The following CDK8 variants were observed in gnomAD, a reference collection of about 807,000 sequenced individuals.
The protein encoded by CDK8 is cyclin dependent kinase 8, also known as cyclin-dependent kinase 8.
In CDK8, 29 loss-of-function variants were observed where a neutral mutation model predicts 71.5. The ratio of observed to expected loss-of-function variants is 0.41; its 90% CI spans 0.30 to 0.55. The LOEUF is 0.55. Among genes scored for constraint, CDK8 ranks in the 20% least tolerant of loss-of-function variants. The probability of loss-of-function intolerance (pLI) is 0.37; values close to 1 mark genes in which losing one functional copy is unlikely to be tolerated. For missense variants in CDK8, 288 were observed against 572.6 expected (o/e 0.50, Z 5.07); for synonymous variants, 161 against 192.1 (o/e 0.84, Z 1.34).
intron 12 of CDK8, among the ~76,000 whole-genome samples, chr13:26,402,536 T>G (rs1876314194): frequency 6.6e-6 from 1 of 152,356 alleles, no homozygotes; most frequent in Admixed American, 6.5e-5. Flanking sequence ...GTTACTGTAC[T>G]TTCAGAATTA....
intron 1 of CDK8, among the ~76,000 whole-genome samples, chr13:26,325,342 C>G (rs890285245): frequency 1.3e-5 from 2 of 152,110 alleles, no homozygotes; most frequent in African/African-American, 4.8e-5. Context: ...CAAAATGTAG[C>G]ATAACTAGCT....
chr13:26,345,453 C>T (rs1325538584), intron 2 of CDK8, among the ~76,000 whole-genome samples: 1 of 152,122 alleles, frequency 6.6e-6, no homozygotes, highest in Non-Finnish European at 1.5e-5. Flanking sequence ...GTGATCTCAG[C>T]TCACTGCAAC....
At chr13:26,336,121 A>G (rs1464950805) in intron 1 of CDK8, among the ~76,000 whole-genome samples, 1 of 44,398 alleles carries the variant, frequency 2.3e-5, no homozygotes, top group African/African-American at 6.9e-5. Context: ...ATACACAAAC[A>G]TACACACACA....
At chr13:26,284,397 A>G (rs1284696079) in intron 1 of CDK8, among the ~76,000 whole-genome samples, 1 of 152,222 alleles carries the variant, frequency 6.6e-6, no homozygotes, top group Non-Finnish European at 1.5e-5. Flanking sequence ...GACCATTAGT[A>G]AGATTAACCA....
intron 1 of CDK8, among the ~76,000 whole-genome samples, chr13:26,271,849 G>A (rs1872340166): frequency 9.1e-6 from 1 of 110,252 alleles, no homozygotes; most frequent in Non-Finnish European, 1.7e-5. Flanking sequence ...TTTTAAGAGA[G>A]AGACATAAAA....
chr13:26,333,141 CT>C (rs148022056), intron 1 of CDK8, among the ~76,000 whole-genome samples: 3,211 of 151,596 alleles, frequency 0.021, 124 homozygotes, highest in African/African-American at 0.074. Context: ...AATTATATAC[CT>C]TCTTTTTTTT....
intron 1 of CDK8, among the ~76,000 whole-genome samples, chr13:26,291,731 TG>T (rs1406420511): frequency 2.0e-5 from 3 of 152,352 alleles, no homozygotes; most frequent in Non-Finnish European, 2.9e-5. Context: ...ATGAATGATT[TG>T]GTTCTGTTAC....
chr13:26,301,705 C>T (rs966217742), intron 1 of CDK8, among the ~76,000 whole-genome samples: 5 of 152,140 alleles, frequency 3.3e-5, no homozygotes, highest in African/African-American at 1.2e-4. Flanking sequence ...TGGGACATTC[C>T]CCATAATGTC....
chr13:26,259,474 A>T (rs1871674254), intron 1 of CDK8, among the ~76,000 whole-genome samples: 1 of 152,168 alleles, frequency 6.6e-6, no homozygotes, highest in African/African-American at 2.4e-5. Context: ...CGTAGGTTAT[A>T]TGCAAATAGG....
At chr13:26,368,950 T>A (rs1874522494) in intron 4 of CDK8, among the ~76,000 whole-genome samples, 1 of 152,206 alleles carries the variant, frequency 6.6e-6, no homozygotes, top group South Asian at 2.1e-4. Context: ...TGTTTTTTTT[T>A]CATTCACTAG....
chr13:26,326,350 A>G (rs537867342), intron 1 of CDK8, among the ~76,000 whole-genome samples: 2 of 152,310 alleles, frequency 1.3e-5, no homozygotes, highest in South Asian at 2.1e-4. Context: ...CTAGGGATGC[A>G]CAAAGCAATA....
chr13:26,304,275 GA>G (rs930149548), intron 1 of CDK8, among the ~76,000 whole-genome samples: 10 of 148,708 alleles, frequency 6.7e-5, no homozygotes, highest in African/African-American at 2.5e-4. Flanking sequence ...AAAAAAAAAA[GA>G]AAAAAAAGAA....
intron 1 of CDK8, among the ~76,000 whole-genome samples, chr13:26,330,175 A>T (rs1451595551): frequency 6.6e-6 from 1 of 152,174 alleles, no homozygotes; most frequent in Non-Finnish European, 1.5e-5. Context: ...AACTGTAGTC[A>T]TCCCACTCTG....
chr13:26,336,142 C>CAA (rs1555230791), intron 1 of CDK8, among the ~76,000 whole-genome samples: 1 of 150,968 alleles, frequency 6.6e-6, no homozygotes, highest in Non-Finnish European at 1.5e-5. Flanking sequence ...CACACACACA[C>CAA]ATACACACAT....
Position 26,404,062 on chromosome 13 carries a change from A to G in CDK8, c.1376A>G (p.His459Arg). 6.2e-7 allele frequency: 1 copy of G among 1,614,028 alleles called. No individual in the cohort carries two copies. The highest frequency in any genetic ancestry group is 1.1e-5 in the South Asian group (1 of 91,086). The change falls in exon 13 of 13, where the codon CAT (histidine) becomes CGT (arginine). Residue 459 changes from histidine (H) to arginine (R), a missense_variant. Physicochemically the swap from His to Arg is conservative, Grantham distance 29. Coordinates refer to ENST00000381527, the MANE Select transcript of CDK8 (RefSeq NM_001260.3). Reference sequence around the variant, plus strand: ...TCCCAGCAGCCTCCACAGTACTCACATCAGACACATCGGTACTGAGCTGCA... The same window carrying G: ...TCCCAGCAGCCTCCACAGTACTCACGTCAGACACATCGGTACTGAGCTGCA... ...ATSQQPPQYS[H>R]QTHRY
chr13:26,334,694 A>C (rs9581642), intron 1 of CDK8, among the ~76,000 whole-genome samples: 5,404 of 152,326 alleles, frequency 0.035, 317 homozygotes, highest in African/African-American at 0.12. Flanking sequence ...GTTACGTTTT[A>C]GTAATAATTT....
chr13:26,380,471 G>A (rs558197330), intron 4 of CDK8, among the ~76,000 whole-genome samples: 26 of 151,786 alleles, frequency 1.7e-4, no homozygotes, highest in African/African-American at 4.6e-4. Context: ...ATGAGCCCCC[G>A]TGCCCGGCCT....
At chr13:26,307,392 C>T (rs960771842) in intron 1 of CDK8, among the ~76,000 whole-genome samples, 2 of 152,170 alleles carry the variant, frequency 1.3e-5, no homozygotes, top group African/African-American at 2.4e-5. Context: ...TATGTGAGAA[C>T]TTGACCCACT....
intron 4 of CDK8, among the ~76,000 whole-genome samples, chr13:26,371,357 A>C (rs900659747): frequency 4.9e-4 from 75 of 152,104 alleles, no homozygotes; most frequent in African/African-American, 1.7e-3. Context: ...ATTCTTAATC[A>C]CCTAACTGTA....
Sources: gnomAD v4.1 joint callset for allele counts (sites outside exome capture counted in the v4.1 genomes callset) on GRCh38, gnomAD v4.1.1 for gene constraint, MANE v1.5 for transcripts, NCBI Gene and HGNC (gene_info 2026-07-23, HGNC 2026-07-21) for gene names.